Variants in DENND1A observed in about 807,000 individuals in gnomAD.
DENND1A encodes the protein DENN domain containing 1A, also known as DENN domain-containing protein 1A.
In DENND1A, 51 loss-of-function variants were observed where a neutral mutation model predicts 113.7. The observed-to-expected ratio is 0.45, with a 90% CI of 0.36 to 0.57. The LOEUF (loss-of-function observed/expected upper bound fraction) is 0.57, where lower values mean the gene tolerates loss of function less well. Ranked by LOEUF, DENND1A falls within the 20% of genes least tolerant of loss-of-function variation. The probability of loss-of-function intolerance (pLI) is 0.00; values close to 1 mark genes in which losing one functional copy is unlikely to be tolerated. For synonymous variants in DENND1A, 565 were observed against 570.8 expected (o/e 0.99, Z 0.14); for missense variants, 1,258 against 1,395.9 (o/e 0.90, Z 1.57).
At chr9:123,663,458 A>T (rs1157994985) in intron 8 of DENND1A, among the ~76,000 whole-genome samples, 1 of 152,182 alleles carries the variant, frequency 6.6e-6, no homozygotes, top group Non-Finnish European at 1.5e-5. Context: ...GACCTGTGAG[A>T]GTTTAGTATG....
intron 5 of DENND1A, among the ~76,000 whole-genome samples, chr9:123,709,913 G>A (rs2066471170): frequency 6.6e-6 from 1 of 152,186 alleles, no homozygotes; most frequent in Non-Finnish European, 1.5e-5. Context: ...CAACCACTGT[G>A]TGCCATATAT....
chr9:123,494,792 T>C (rs2051712441), intron 13 of DENND1A, among the ~76,000 whole-genome samples: 1 of 152,098 alleles, frequency 6.6e-6, no homozygotes, highest in South Asian at 2.1e-4. Context: ...CAGGCCCTTT[T>C]TTTGTACTTT....
intron 5 of DENND1A, among the ~76,000 whole-genome samples, chr9:123,684,934 G>A (rs1348278195): frequency 6.6e-6 from 1 of 152,144 alleles, no homozygotes; most frequent in Non-Finnish European, 1.5e-5. Flanking sequence ...GGTTCACAAA[G>A]GGAACACAGA....
At chr9:123,762,320 C>CT (rs1478642388) in intron 4 of DENND1A, among the ~76,000 whole-genome samples, 1 of 152,204 alleles carries the variant, frequency 6.6e-6, no homozygotes, top group Non-Finnish European at 1.5e-5. Context: ...CTTCCCGTGC[C>CT]TAGGTGAATA....
chr9:123,865,162 TA>T (rs1312869346), intron 2 of DENND1A, among the ~76,000 whole-genome samples: 4 of 152,004 alleles, frequency 2.6e-5, no homozygotes, highest in African/African-American at 7.2e-5. Flanking sequence ...ACTGTGTAAT[TA>T]AAAAAAAGCT....
intron 2 of DENND1A, among the ~76,000 whole-genome samples, chr9:123,807,479 C>T (rs1455596499): frequency 6.6e-6 from 1 of 152,198 alleles, no homozygotes; most frequent in South Asian, 2.1e-4. Flanking sequence ...TCGTCTTCGA[C>T]TGTTAATTCT....
In DENND1A at chr9:123,904,832, G is replaced by A. The variant is rs1052117020; in HGVS notation, c.17+25057C>T. 5.4e-4 allele frequency among the ~76,000 whole-genome samples: 82 copies of A among 151,952 alleles called. 2 individuals carry two copies. The highest frequency in any genetic ancestry group is 6.9e-4 in the Non-Finnish European group (47 of 67,990). On this transcript the variant is annotated intron_variant, in intron 1 of 23. Coordinates refer to ENST00000394215, the MANE Select transcript of DENND1A (RefSeq NM_001352964.2). ...CCCCAATCTAGCAAGGCAGGCCAAC[G>A]TTCAGATTCAGGAAATACAGAGAAC... is the stretch of plus-strand genomic sequence containing the variant.
chr9:123,740,755 G>A (rs902159471), intron 5 of DENND1A, among the ~76,000 whole-genome samples: 7 of 152,268 alleles, frequency 4.6e-5, no homozygotes, highest in African/African-American at 1.7e-4. Context: ...TTTGTCACAT[G>A]GCTCGTAAGT....
intron 13 of DENND1A, among the ~76,000 whole-genome samples, chr9:123,528,969 T>C (rs986415669): frequency 1.3e-5 from 2 of 152,244 alleles, no homozygotes; most frequent in African/African-American, 4.8e-5. Context: ...TGCCCTTGAC[T>C]TACTCTGGCA....
chr9:123,597,912 G>A (rs534137380), intron 11 of DENND1A, among the ~76,000 whole-genome samples: 5 of 152,096 alleles, frequency 3.3e-5, no homozygotes, highest in South Asian at 2.1e-4. Context: ...TGCAGACAAC[G>A]TATCAGCCTG....
intron 21 of DENND1A, chr9:123,400,353 T>C (rs147098158): frequency 1.3e-5 from 2 of 152,342 alleles, no homozygotes; most frequent in East Asian, 3.9e-4. Context: ...TCGTCCGTGC[T>C]TGCGCCTAGT....
Position 123,446,540 on chromosome 9 carries a change from G to C in DENND1A, c.1356+4153C>G, listed in dbSNP as rs550751533. Among the ~76,000 whole-genome samples, 15 of 151,768 alleles carry C rather than the reference G, an allele frequency of 9.9e-5. 1 individual carries two copies. The South Asian group carries it at 2.9e-3, about 29-fold the overall frequency. ...ACAGAGACTCTAAATCAACAAGCTCGATTTGTCTTTTAAAGATCAAAGATT... is the reference window on the plus strand; with the variant it reads ...ACAGAGACTCTAAATCAACAAGCTCCATTTGTCTTTTAAAGATCAAAGATT... On this transcript the variant is annotated intron_variant, in intron 18 of 23. Transcript: ENST00000394215.
rs561837395 is a variant in DENND1A, at chr9:123,765,961, G to A, written c.182+3553C>T. On this transcript the variant is annotated intron_variant, in intron 4 of 23. Coordinates refer to ENST00000394215, the MANE Select transcript of DENND1A (RefSeq NM_001352964.2). ...AAGTCATTTCACCTCTGTGGATCAT[G>A]GTTTTCCTTCTATAAAATGGGGAGT... Among the ~76,000 whole-genome samples, 9 of 152,274 alleles carry A rather than the reference G, an allele frequency of 5.9e-5. No individual in the cohort carries two copies. The East Asian group carries it at 1.7e-3, about 29-fold the overall frequency.
chr9:123,662,896 T>C (rs1328022680), intron 8 of DENND1A, among the ~76,000 whole-genome samples: 3 of 152,300 alleles, frequency 2.0e-5, no homozygotes, highest in Non-Finnish European at 2.9e-5. Flanking sequence ...GGGAGTGTTA[T>C]AGGTGGTAAA....
At chr9:123,388,855 G>C (rs1250280991) in intron 21 of DENND1A, among the ~76,000 whole-genome samples, 4 of 152,186 alleles carry the variant, frequency 2.6e-5, no homozygotes, top group African/African-American at 7.2e-5. Context: ...ACCCCACCAA[G>C]AGGCACTTTG....
At chr9:123,526,300 G>A (rs1172796035) in intron 13 of DENND1A, among the ~76,000 whole-genome samples, 1 of 152,122 alleles carries the variant, frequency 6.6e-6, no homozygotes, top group Non-Finnish European at 1.5e-5. Flanking sequence ...ACTCAAGAGA[G>A]CCTGCATTCT....
In DENND1A at chr9:123,382,153, G is replaced by A. The variant is rs2042308376; in HGVS notation, c.2492C>T (p.Pro831Leu). 1.2e-6 allele frequency: 2 copies of A among 1,605,982 alleles called. No individual in the cohort carries two copies. The highest frequency in any genetic ancestry group is 2.7e-5 in the African/African-American group (2 of 74,940). ...GPTELLQPLSPGPGAAGTSSD... is the reference protein window; with the variant it reads ...GPTELLQPLSLGPGAAGTSSD... Reference sequence around the variant, plus strand: ...GCTCGTGCCTGCAGCCCCGGGGCCAGGGCTGAGCGGCTGGAGCAGTTCAGT... The same window carrying A: ...GCTCGTGCCTGCAGCCCCGGGGCCAAGGCTGAGCGGCTGGAGCAGTTCAGT... Residue 831 changes from proline to leucine, a missense_variant, in exon 24 of 24, where the codon CCT becomes CTT. By Grantham distance (98) the Pro-to-Leu change is moderately conservative. Coordinates refer to ENST00000394215, the MANE Select transcript of DENND1A (RefSeq NM_001352964.2).
chr9:123,928,727 G>A, intron 1 of DENND1A: 5 of 985,406 alleles, frequency 5.1e-6, no homozygotes, highest in Non-Finnish European at 6.0e-6. Context: ...CACTGCACGG[G>A]CATCACCTGG....
Position 123,896,863 on chromosome 9 carries a change from A to G in DENND1A, c.18-17842T>C, listed in dbSNP as rs1032473324. ...AACAAAAGCTACACAAGATAAACGC[A>G]GAAGTAAAACATTAAGACAAATCAA... is the stretch of plus-strand genomic sequence containing the variant. On this transcript the variant is annotated intron_variant, in intron 1 of 23. Coordinates refer to ENST00000394215, the MANE Select transcript of DENND1A (RefSeq NM_001352964.2). Among the ~76,000 whole-genome samples, 3 of 152,372 alleles carry G rather than the reference A, an allele frequency of 2.0e-5. No individual in the cohort carries two copies. The East Asian group carries it at 5.8e-4, about 29-fold the overall frequency.
Sources: gnomAD v4.1 joint callset for allele counts (sites outside exome capture counted in the v4.1 genomes callset) on GRCh38, gnomAD v4.1.1 for gene constraint, MANE v1.5 for transcripts, NCBI Gene and HGNC (gene_info 2026-07-23, HGNC 2026-07-21) for gene names.